The following ZNF772 variants were observed in gnomAD, a reference collection of about 807,000 sequenced individuals.
ZNF772 encodes zinc finger protein 772.
Under a neutral mutation model 11.0 loss-of-function variants are expected in ZNF772, and 8 were observed. The observed-to-expected ratio is 0.73, with a 90% CI of 0.43 to 1.31. The LOEUF (loss-of-function observed/expected upper bound fraction) is 1.31, where lower values mean the gene tolerates loss of function less well. Ranked by LOEUF, ZNF772 falls within the 50% of genes most tolerant of loss-of-function variation. The pLI is 0.01. For missense variants in ZNF772, 496 were observed against 552.3 expected, an observed-to-expected ratio of 0.90 and a Z score of 1.02; for synonymous variants, 155 against 180.4, an observed-to-expected ratio of 0.86 and a Z score of 1.13.
Position 57,472,961 on chromosome 19 carries a change from A to C in ZNF772, c.*313T>G. ...GGCTACTGATGATTCCCTCCAGGGA[A>C]GGGAATAGTACAGAGGTCTGTCTTT... On this transcript the variant is annotated 3_prime_UTR_variant, in exon 4 of 4. Transcript: ENST00000356584. 3.3e-6 allele frequency: 1 copy of C among 302,348 alleles called. No homozygotes were observed. The highest frequency in any genetic ancestry group is 6.1e-6 in the Non-Finnish European group (1 of 163,546). The allele number at this position is 302,348 out of a possible 1,614,324, so 18.7% of individuals were successfully genotyped here. A position where few individuals can be genotyped will look rare whatever the true frequency, so the allele number is the denominator to read the frequency against.
chr19:57,476,526 C>T (rs749555836), intron 2 of ZNF772, 108 bp downstream of exon 2: 1 of 1,400,176 alleles, frequency 7.1e-7, no homozygotes. Context: ...AGTCCTCAGA[C>T]CCAAGAGATC....
chr19:57,474,216 C>T lies in ZNF772; in HGVS notation c.405G>A (p.Leu135=). Residue 135 remains leucine, a synonymous_variant, in exon 4 of 4, where the codon CTG becomes CTA. Transcript: ENST00000356584. ...HPGQKPYMCV[L]CGKQFCFSAN... ...CACTGAAGCAGAACTGTTTCCCACA[C>T]AGCACACACATGTATGGTTTCTGCC... 6.2e-7 allele frequency: 1 copy of T among 1,614,206 alleles called. No homozygotes were observed. Among genetic ancestry groups the T allele is most frequent in the Non-Finnish European group, 8.5e-7 (1 of 1,180,018 alleles).
chr19:57,473,042 G>GA lies in ZNF772; in HGVS notation c.*231dup. 1 of 558,634 alleles carries GA rather than the reference G, an allele frequency of 1.8e-6. No homozygotes were observed. The highest frequency in any genetic ancestry group is 3.2e-6 in the Non-Finnish European group (1 of 315,586). The allele number at this position is 558,634 out of a possible 1,614,324, so 34.6% of individuals were successfully genotyped here. A position where few individuals can be genotyped will look rare whatever the true frequency, so the allele number is the denominator to read the frequency against. On this transcript the variant is annotated 3_prime_UTR_variant, in exon 4 of 4. Coordinates refer to ENST00000356584, the MANE Select transcript of ZNF772 (RefSeq NM_001144068.2). ...GCAGGACTCTTCCAGCACAAAGACA[G>GA]ATGGCTTCTAACAGGCACTGCCTTG...
Position 57,471,522 on chromosome 19 carries a change from A to G in ZNF772, c.*1752T>C, listed in dbSNP as rs2089214190. On this transcript the variant is annotated 3_prime_UTR_variant, in exon 4 of 4. Transcript: ENST00000356584. The stretch of plus-strand genomic sequence containing the variant: ...AACCATATAGGATTATGGTCACCAG[A>G]GTCCAAGAAAACGCCCCACAAATCC... 1 of 152,198 alleles carries G rather than the reference A, an allele frequency of 6.6e-6. No homozygotes were observed. Among genetic ancestry groups the G allele is most frequent in the African/African-American group, 2.4e-5 (1 of 41,440 alleles). The allele number at this position is 152,198 out of a possible 1,614,324, so 9.4% of individuals were successfully genotyped here.
rs990026253 is a variant in ZNF772, at chr19:57,475,183, C to T, written c.199+477G>A. The T allele has an allele frequency of 6.2e-7, 1 of 1,608,994 alleles. No individual in the cohort carries two copies. Among genetic ancestry groups the T allele is most frequent in the African/African-American group, 1.3e-5 (1 of 74,630 alleles). On this transcript the variant is annotated intron_variant, in intron 3 of 3. Transcript: ENST00000356584. The surrounding 1 kb of genome is among the most constrained non-coding windows in gnomAD (Gnocchi z 4.2). ...ATAGAACAGCACTGGTCTGGGTAAC[C>T]CATATAGAAAACTAAATATTATTAA...
rs758316407 is a variant in ZNF772, at chr19:57,477,337, G to C, written c.-28C>G. On this transcript the variant is annotated 5_prime_UTR_variant, in exon 1 of 4. Transcript: ENST00000356584. The stretch of plus-strand genomic sequence containing the variant: ...GGCCTGTGGACTACGGAAGGGTGGC[G>C]ACAAGTGCAGGAACCTGGGATCAGC... 5.6e-6 allele frequency: 9 copies of C among 1,612,938 alleles called. No homozygotes were observed. The highest frequency in any genetic ancestry group is 7.6e-6 in the Non-Finnish European group (9 of 1,179,568).
Position 57,473,000 on chromosome 19 carries a change from G to T in ZNF772, c.*274C>A, listed in dbSNP as rs1444648082. On this transcript the variant is annotated 3_prime_UTR_variant, in exon 4 of 4. Coordinates refer to ENST00000356584, the MANE Select transcript of ZNF772 (RefSeq NM_001144068.2). ...AGGTCTGTCTTTTGAAACACATTGG[G>T]GTTACTTTGGCACAAGGCAGGACTC... 2.1e-6 allele frequency: 1 copy of T among 477,772 alleles called. No homozygotes were observed. Among genetic ancestry groups the T allele is most frequent in the Non-Finnish European group, 3.7e-6 (1 of 269,052 alleles). 29.6% of individuals were successfully genotyped at this position (477,772 alleles called of 1,614,324 possible).
In ZNF772 at chr19:57,476,637, T is replaced by C. The variant is rs761848767; in HGVS notation, c.69A>G (p.Ile23Met). 6.2e-7 allele frequency: 1 copy of C among 1,611,558 alleles called. No homozygotes were observed. The highest frequency in any genetic ancestry group is 1.3e-5 in the African/African-American group (1 of 74,914). Residue 23 changes from isoleucine (I) to methionine (M), a missense_variant, in exon 2 of 4, where the codon ATA becomes ATG. Physicochemically the swap from Ile to Met is conservative, Grantham distance 10 (BLOSUM62 1). Transcript: ENST00000356584. The part of the protein sequence containing the change: ...PMNSEVIVDP[I>M]QGQVNFEDVF... ...AGCATGGACATTCTCCCCTCACCTG[T>C]ATAGGGTCCACAATTACTTCTGAGT...
Position 57,475,593 on chromosome 19 carries a change from A to G in ZNF772, c.199+67T>C, listed in dbSNP as rs771083938. On this transcript the variant is annotated intron_variant, in intron 3 of 3. Coordinates refer to ENST00000356584, the MANE Select transcript of ZNF772 (RefSeq NM_001144068.2). The surrounding 1 kb of genome is among the most constrained non-coding windows in gnomAD (Gnocchi z 4.2). ...CGGCTCTGATGTAGGAAGGACAAAG[A>G]TGCCCTGAAAAAAAGGGGAAGGGCA... 5.2e-5 allele frequency: 84 copies of G among 1,607,600 alleles called. No individual in the cohort carries two copies. The highest frequency in any genetic ancestry group is 1.0e-4 in the Admixed American group (6 of 59,842).
chr19:57,474,477 G>C, intron 3 of ZNF772, 56 bp from the exon 4 acceptor site: 2 of 1,534,806 alleles, frequency 1.3e-6, no homozygotes, highest in Non-Finnish European at 1.8e-6. Flanking sequence ...AAGAGGGGAA[G>C]CCTCACTACA....
Position 57,475,259 on chromosome 19 carries a change from T to C in ZNF772, c.199+401A>G. On this transcript the variant is annotated intron_variant, in intron 3 of 3. Transcript: ENST00000356584. The surrounding 1 kb of genome is among the most constrained non-coding windows in gnomAD (Gnocchi z 4.2). ...GGAATAGTGCAGTGGTCCTAGCAAG[T>C]AGCGACCATAATGGTCCCTACAATT... 1.5e-6 allele frequency: 2 copies of C among 1,328,858 alleles called. No homozygotes were observed. Among genetic ancestry groups the C allele is most frequent in the South Asian group, 1.4e-5 (1 of 72,428 alleles). 82.3% of individuals were successfully genotyped at this position (1,328,858 alleles called of 1,614,324 possible). A position where few individuals can be genotyped will look rare whatever the true frequency, so the allele number is the denominator to read the frequency against.
intron 3 of ZNF772, 78 bp from the exon 4 acceptor site, chr19:57,474,499 A>C: frequency 6.9e-7 from 1 of 1,441,406 alleles, no homozygotes; most frequent in Non-Finnish European, 9.4e-7. Context: ...ATATGTGTCT[A>C]ACACAACTAA....
At chr19:57,474,890 G>T (rs1443942598) in intron 3 of ZNF772, 72 of 1,264,310 alleles carry the variant, frequency 5.7e-5, no homozygotes, top group Non-Finnish European at 1.1e-6. Flanking sequence ...GCAGAGGTAT[G>T]GAACATCCAG....
intron 2 of ZNF772, 174 bp downstream of exon 2, chr19:57,476,460 C>T (rs773460769): frequency 1.4e-6 from 1 of 709,836 alleles, no homozygotes; most frequent in East Asian, 2.7e-5. Flanking sequence ...GAAATGGAAA[C>T]CCCTCCATAA....
Position 57,473,225 on chromosome 19 carries a change from T to G in ZNF772, c.*49A>C. The stretch of plus-strand genomic sequence containing the variant: ...ATAAAGGCTATGCTTGGAGCTTCTC[T>G]CTGATGTCAGTTATTATGTTGAACA... On this transcript the variant is annotated 3_prime_UTR_variant, in exon 4 of 4. Coordinates refer to ENST00000356584, the MANE Select transcript of ZNF772 (RefSeq NM_001144068.2). 2 of 1,550,074 alleles carry G rather than the reference T, an allele frequency of 1.3e-6. No homozygotes were observed. The highest frequency in any genetic ancestry group is 8.8e-7 in the Non-Finnish European group (1 of 1,141,084).
In ZNF772 at chr19:57,477,557, A is replaced by G. The variant is rs544486543; in HGVS notation, c.-248T>C. On this transcript the variant is annotated 5_prime_UTR_variant, in exon 1 of 4. Transcript: ENST00000356584. Reference sequence around the variant, plus strand: ...CAAAATGTCCACCCGAGGATGGTAGAGGAAGTCCCGCCCTGACGTTGGTGA... The same window carrying G: ...CAAAATGTCCACCCGAGGATGGTAGGGGAAGTCCCGCCCTGACGTTGGTGA... 62 of 458,658 alleles carry G rather than the reference A, an allele frequency of 1.4e-4. No individual in the cohort carries two copies. Among genetic ancestry groups the G allele is most frequent in the African/African-American group, 1.2e-3 (60 of 49,510 alleles). The allele number at this position is 458,658 out of a possible 1,614,324, so 28.4% of individuals were successfully genotyped here. A position where few individuals can be genotyped will look rare whatever the true frequency, so the allele number is the denominator to read the frequency against.
At position 57,473,523 on chromosome 19, in the gene ZNF772, C is replaced by T; in HGVS notation, c.1098G>A (p.Glu366=). 1 of 1,613,940 alleles carries T rather than the reference C, an allele frequency of 6.2e-7. No homozygotes were observed. Among genetic ancestry groups the T allele is most frequent in the Non-Finnish European group, 8.5e-7 (1 of 1,179,828 alleles). The change falls in exon 4 of 4, where the codon GAG becomes GAA. Residue 366 remains glutamate, a synonymous_variant. Coordinates refer to ENST00000356584, the MANE Select transcript of ZNF772 (RefSeq NM_001144068.2). ...WSVHTGARPY[E]CIACGKFFSQ... ...TAAAGAACTTCCCACATGCGATGCA[C>T]TCATAAGGCCTTGCTCCAGTATGAA...
At position 57,474,163 on chromosome 19, in the gene ZNF772, T is replaced by C; in HGVS notation, c.458A>G (p.His153Arg). The change falls in exon 4 of 4, where the codon CAC becomes CGC. Residue 153 changes from histidine (H) to arginine (R), a missense_variant. Transcript: ENST00000356584. ...ACTTCTAAAGGGTTTCTCTCCACTG[T>C]GCTGCTTCTGGTGCTGGTGAAGGTT... ...SANLHQHQKQ[H>R]SGEKPFRSDK... is the part of the protein sequence containing the mutation. 1 of 1,614,224 alleles carries C rather than the reference T, an allele frequency of 6.2e-7. No individual in the cohort carries two copies.
Position 57,473,606 on chromosome 19 carries a change from A to G in ZNF772, c.1015T>C (p.Cys339Arg). The G allele has an allele frequency of 6.2e-7, 1 of 1,613,742 alleles. No homozygotes were observed. The highest frequency in any genetic ancestry group is 8.5e-7 in the Non-Finnish European group (1 of 1,179,934). ...SIHTGERPYE[C>R]SECGKYFGHK... Reference sequence around the variant, plus strand: ...CCAAAGTATTTTCCACATTCGCTGCACTCATATGGCCTTTCTCCAGTATGG... The same window carrying G: ...CCAAAGTATTTTCCACATTCGCTGCGCTCATATGGCCTTTCTCCAGTATGG... Residue 339 changes from cysteine to arginine, a missense_variant, in exon 4 of 4, where the codon TGC (cysteine) becomes CGC (arginine). Physicochemically the swap from Cys to Arg is radical, Grantham distance 180. Coordinates refer to ENST00000356584, the MANE Select transcript of ZNF772 (RefSeq NM_001144068.2).
Sources: gnomAD v4.1 joint callset for allele counts on GRCh38, gnomAD v4.1.1 for gene constraint, Gnocchi (gnomAD v3.1) non-coding constraint, MANE v1.5 for transcripts, NCBI Gene and HGNC (gene_info 2026-07-23, HGNC 2026-07-21) for gene names.